Variants in CXCL13 observed in about 807,000 individuals in gnomAD.
CXCL13 encodes the protein C-X-C motif chemokine 13.
In CXCL13, 7 loss-of-function variants were observed where a neutral mutation model predicts 12.2. The ratio of observed to expected loss-of-function variants is 0.57; its 90% confidence interval spans 0.33 to 1.07. CXCL13 has a LOEUF of 1.07. Among genes scored for constraint, CXCL13 ranks in the 50% least tolerant of loss-of-function variants. CXCL13 has a pLI of 0.04. For synonymous variants in CXCL13, 47 were observed against 42.4 expected (o/e 1.11, Z -0.42); for missense variants, 113 against 127.4 (o/e 0.89, Z 0.55).
In CXCL13 at chr4:77,594,591, G is replaced by GGGC. The variant is rs1560536126; in HGVS notation, c.-42-11233_-42-11232insGGC. ...CAGGCACAGTGGCCTGGGCTCTGTT[G>GGGC]ACAGGCAGCTGGGCAGGTCCAGGGG... is the stretch of plus-strand genomic sequence containing the variant. On this transcript the variant is annotated intron_variant, in intron 1 of 4. Coordinates refer to the CXCL13 transcript ENST00000286758. Among the ~76,000 whole-genome samples, 868 of 152,258 alleles carry GGGC rather than the reference G, an allele frequency of 5.7e-3. 10 individuals carry two copies. Among genetic ancestry groups the GGGC allele is most frequent in the African/African-American group, 0.02 (816 of 41,524 alleles).
At chr4:77,592,399 G>A (rs187751130) in intron 1 of CXCL13, among the ~76,000 whole-genome samples, 3 of 152,300 alleles carry the variant, frequency 2.0e-5, no homozygotes, top group African/African-American at 4.8e-5. Flanking sequence ...GAAGTAGAGA[G>A]TGGAATGGTG....
At chr4:77,597,073 AT>A (rs1278043726) in intron 1 of CXCL13, among the ~76,000 whole-genome samples, 3 of 152,336 alleles carry the variant, frequency 2.0e-5, no homozygotes, top group African/African-American at 7.2e-5. Context: ...AAAGAAGCAT[AT>A]TGCATAATCT....
chr4:77,549,745 G>A (rs748353324), intron 1 of CXCL13, among the ~76,000 whole-genome samples: 3 of 152,182 alleles, frequency 2.0e-5, no homozygotes, highest in Non-Finnish European at 2.9e-5. Flanking sequence ...TGTATGAGGT[G>A]TCAGTCAGTC....
chr4:77,515,466 A>G (rs1323497757), intron 1 of CXCL13, among the ~76,000 whole-genome samples: 2 of 151,948 alleles, frequency 1.3e-5, no homozygotes, highest in African/African-American at 4.8e-5. Flanking sequence ...ATTTGTTTGT[A>G]TCCTCTTTTA....
intron 1 of CXCL13, among the ~76,000 whole-genome samples, chr4:77,519,045 G>T (rs970261647): frequency 6.6e-6 from 1 of 152,174 alleles, no homozygotes; most frequent in Non-Finnish European, 1.5e-5. Flanking sequence ...GTTGGAGTTT[G>T]CTAGAGGTCC....
At chr4:77,548,204 G>A (rs1409394565) in intron 1 of CXCL13, among the ~76,000 whole-genome samples, 1 of 152,244 alleles carries the variant, frequency 6.6e-6, no homozygotes, top group Non-Finnish European at 1.5e-5. Flanking sequence ...GCCAGGAGGA[G>A]AAAGAGACAA....
At chr4:77,521,366 G>A (rs1457034734) in intron 1 of CXCL13, among the ~76,000 whole-genome samples, 1 of 151,996 alleles carries the variant, frequency 6.6e-6, no homozygotes, top group East Asian at 1.9e-4. Context: ...TTGGTTGGTA[G>A]GCTATTAATT....
chr4:77,530,913 G>C (rs1013985731), intron 1 of CXCL13, among the ~76,000 whole-genome samples: 1 of 151,716 alleles, frequency 6.6e-6, no homozygotes, highest in African/African-American at 2.4e-5. Context: ...TGGGCATTTA[G>C]TGCTATAAAT....
Position 77,526,229 on chromosome 4 carries a change from CAAATATT to C in CXCL13, c.-43+14447_-43+14453del, listed in dbSNP as rs565666772. ...AATAAACAAGAGGTTTGTTTCATGG[CAAATATT>C]AAATAAACAATATCCTAGTCTCAGG... On this transcript the variant is annotated intron_variant, in intron 1 of 4. Coordinates refer to the CXCL13 transcript ENST00000286758. Among the ~76,000 whole-genome samples the C allele has an allele frequency of 3.5e-4, 53 of 151,550 alleles. No homozygotes were observed. The East Asian group carries it at 0.01, about 29-fold the overall frequency.
chr4:77,578,310 G>A (rs1409854645), intron 1 of CXCL13, among the ~76,000 whole-genome samples: 1 of 152,148 alleles, frequency 6.6e-6, no homozygotes, highest in Non-Finnish European at 1.5e-5. Flanking sequence ...TGTTTGCCAG[G>A]GACCCTTAGA....
At chr4:77,517,186 G>A (rs944054717) in intron 1 of CXCL13, among the ~76,000 whole-genome samples, 2 of 152,054 alleles carry the variant, frequency 1.3e-5, no homozygotes, top group South Asian at 2.1e-4. Flanking sequence ...TTGTTATAAT[G>A]TCTGTTCTTT....
chr4:77,562,248 G>A (rs1725833353), intron 1 of CXCL13, among the ~76,000 whole-genome samples: 1 of 149,476 alleles, frequency 6.7e-6, no homozygotes, highest in Non-Finnish European at 1.5e-5. Context: ...CTCCTGCGAG[G>A]CCTGAGCCTC....
chr4:77,593,835 G>A (rs139299681), intron 1 of CXCL13, among the ~76,000 whole-genome samples: 18 of 152,294 alleles, frequency 1.2e-4, no homozygotes, highest in East Asian at 5.8e-4. Flanking sequence ...TCAACCAGTC[G>A]AGGAGAGGTG....
chr4:77,597,904 C>T (rs188907265), intron 1 of CXCL13, among the ~76,000 whole-genome samples: 5 of 152,248 alleles, frequency 3.3e-5, no homozygotes, highest in African/African-American at 1.2e-4. Flanking sequence ...GGGAGACTGC[C>T]AGGTGTATAA....
At chr4:77,535,394 C>T (rs1401603546) in intron 1 of CXCL13, among the ~76,000 whole-genome samples, 1 of 152,160 alleles carries the variant, frequency 6.6e-6, no homozygotes, top group Non-Finnish European at 1.5e-5. Flanking sequence ...ACTTAGTCCT[C>T]AAATCTCAAT....
chr4:77,610,547 T>A, intron 2 of CXCL13, 67 bp from the exon 3 acceptor site: 2 of 1,240,924 alleles, frequency 1.6e-6, no homozygotes, highest in Non-Finnish European at 2.3e-6. Flanking sequence ...CAAACTCTTT[T>A]CTTTATTAAA....
chr4:77,574,608 T>G (rs988730148), intron 1 of CXCL13, among the ~76,000 whole-genome samples: 1 of 151,970 alleles, frequency 6.6e-6, no homozygotes, highest in Non-Finnish European at 1.5e-5. Flanking sequence ...AAAAAGGTGC[T>G]ATTGGGCACC....
intron 1 of CXCL13, among the ~76,000 whole-genome samples, chr4:77,561,375 G>C (rs980731750): frequency 1.3e-5 from 2 of 152,150 alleles, no homozygotes; most frequent in Non-Finnish European, 2.9e-5. Flanking sequence ...TTTAATGGCA[G>C]CTCTATATAA....
chr4:77,532,686 T>G (rs532408528), intron 1 of CXCL13, among the ~76,000 whole-genome samples: 95 of 152,334 alleles, frequency 6.2e-4, no homozygotes, highest in African/African-American at 2.2e-3. Context: ...GGTACACCAA[T>G]CAGACGTAGA....
Sources: gnomAD v4.1 joint callset for allele counts (sites outside exome capture counted in the v4.1 genomes callset) on GRCh38, gnomAD v4.1.1 for gene constraint, MANE v1.5 for transcripts, NCBI Gene and HGNC (gene_info 2026-07-23, HGNC 2026-07-21) for gene names.